CPAMD8: variants seen among roughly 807,000 people sequenced by gnomAD.
CPAMD8 encodes the protein C3 and PZP like alpha-2-macroglobulin domain containing 8.
A neutral mutation model predicts 224.7 loss-of-function variants in CPAMD8; 146 were observed. The ratio of observed to expected loss-of-function variants is 0.65; its 90% CI spans 0.57 to 0.75. The LOEUF is 0.75. Among genes scored for constraint, CPAMD8 ranks in the 30% least tolerant of loss-of-function variants. The probability of loss-of-function intolerance (pLI) is 0.00; values close to 1 mark genes in which losing one functional copy is unlikely to be tolerated. For missense variants in CPAMD8, 2,301 were observed against 2,537.5 expected (o/e 0.91, Z 2.00); for synonymous variants, 966 against 1,044.6 (o/e 0.92, Z 1.45).
At chr19:16,990,468 G>A (rs548701984) in intron 12 of CPAMD8, among the ~76,000 whole-genome samples, 1 of 152,040 alleles carries the variant, frequency 6.6e-6, no homozygotes, top group Admixed American at 6.6e-5. Flanking sequence ...TGAAGCAGGA[G>A]GATCACTTGA....
At chr19:16,900,211 C>G (rs1387896250) in intron 36 of CPAMD8, among the ~76,000 whole-genome samples, 1 of 152,076 alleles carries the variant, frequency 6.6e-6, no homozygotes. Context: ...GACAGCTGGT[C>G]TCGGCAGAAT....
intron 27 of CPAMD8, 36 bp from the exon 28 acceptor site, chr19:16,914,849 G>T: frequency 6.6e-7 from 1 of 1,509,506 alleles, no homozygotes; most frequent in South Asian, 1.2e-5. Context: ...AGGGGTTGCA[G>T]AATGGTCAGC....
At chr19:17,020,641 T>C (rs2056930050) in intron 2 of CPAMD8, among the ~76,000 whole-genome samples, 1 of 152,032 alleles carries the variant, frequency 6.6e-6, no homozygotes, top group African/African-American at 2.4e-5. Flanking sequence ...CTGGCTCCTG[T>C]CCAAACTAAG....
intron 13 of CPAMD8, among the ~76,000 whole-genome samples, chr19:16,982,733 G>C (rs139994781): frequency 5.3e-5 from 8 of 152,204 alleles, no homozygotes; most frequent in East Asian, 1.9e-4. Flanking sequence ...AGCTATCTAG[G>C]GGGGCTGAGG....
Position 17,004,344 on chromosome 19 carries a change from A to C in CPAMD8, c.602T>G (p.Leu201Trp), listed in dbSNP as rs749145082. Residue 201 changes from leucine to tryptophan, a missense_variant, in exon 8 of 42, where the codon TTG becomes TGG. Around this residue, in one of 4 missense-constraint regions of CPAMD8, gnomAD observed 283 missense variants for 340.6 expected, o/e 0.83. Coordinates refer to ENST00000443236, the MANE Select transcript of CPAMD8 (RefSeq NM_015692.5). ...TTCAACAAAAATGAACCATTCTCCC[A>C]ACACAGGCTGGTCGGACAAGGGGAA... ...MSFPLSDQPV[L>W]GEWFIFVEMQ... 6.2e-7 allele frequency: 1 copy of C among 1,613,652 alleles called. No homozygotes were observed. Among genetic ancestry groups the C allele is most frequent in the Non-Finnish European group, 8.5e-7 (1 of 1,179,638 alleles).
intron 1 of CPAMD8, 146 bp downstream of exon 1, chr19:17,026,405 C>G (rs949124575): frequency 8.5e-6 from 8 of 943,448 alleles, no homozygotes; most frequent in Non-Finnish European, 1.2e-5. Flanking sequence ...GCCCCCTCCT[C>G]AAGACGATTC....
chr19:16,920,037 C>T (rs1023973711), intron 27 of CPAMD8, among the ~76,000 whole-genome samples: 9 of 152,184 alleles, frequency 5.9e-5, no homozygotes, highest in African/African-American at 1.7e-4. Context: ...TGTCCAGCTT[C>T]GGGGTGGGTG....
intron 30 of CPAMD8, among the ~76,000 whole-genome samples, chr19:16,906,394 C>CTTTCTTTCTTTCT (rs1568459736): frequency 1.2e-5 from 1 of 85,074 alleles, no homozygotes; most frequent in Admixed American, 1.3e-4. Context: ...TTCTTTCTTT[C>CTTTCTTTCTTTCT]TTTCTTTCTT....
rs1201447808 is a variant in CPAMD8, at chr19:16,914,446, A to G, written c.3839T>C (p.Leu1280Pro). ...PLTAYVVVAL[L>P]ETGTASEEER... Reference sequence around the variant, plus strand: ...CACCTCTGAGGCTGTGCCTGTTTCCAGGAGAGCAACCACCACGTAGGCTGT... The same window carrying G: ...CACCTCTGAGGCTGTGCCTGTTTCCGGGAGAGCAACCACCACGTAGGCTGT... Residue 1280 changes from leucine to proline, a missense_variant, in exon 29 of 42, where the codon CTG becomes CCG. This residue lies in a region of CPAMD8 where 1,709 missense variants were observed against 1,753.2 expected (regional missense o/e 0.97). Coordinates refer to ENST00000443236, the MANE Select transcript of CPAMD8 (RefSeq NM_015692.5). The G allele has an allele frequency of 6.2e-7, 1 of 1,614,164 alleles. No individual in the cohort carries two copies. Among genetic ancestry groups the G allele is most frequent in the Non-Finnish European group, 8.5e-7 (1 of 1,180,004 alleles).
In CPAMD8 at chr19:16,928,825, T is replaced by C. The variant is rs57705822; in HGVS notation, c.3144+117A>G. On this transcript the variant is annotated intron_variant, in intron 24 of 41. Transcript: ENST00000443236. Reference sequence around the variant, plus strand: ...GACTAAGAACAACTTGAGGTGGTGCTCCATGTTTCCCTTGCTCCTCCTGAC... The same window carrying C: ...GACTAAGAACAACTTGAGGTGGTGCCCCATGTTTCCCTTGCTCCTCCTGAC... The C allele has an allele frequency of 0.015, 10,932 of 749,254 alleles. 900 individuals are homozygous for C. In the African/African-American group the frequency reaches 0.17, roughly 12 times the overall value. The allele number at this position is 749,254 out of a possible 1,614,324, so 46.4% of individuals were successfully genotyped here.
chr19:16,941,454 T>C (rs111374948), intron 22 of CPAMD8, among the ~76,000 whole-genome samples: 15 of 152,326 alleles, frequency 9.8e-5, no homozygotes, highest in Admixed American at 5.2e-4. Flanking sequence ...TATGATTCCA[T>C]TGATACAAAA....
rs1005576810 is a variant in CPAMD8 at position 16,904,555 on chromosome 19, G to A, written c.4028-3C>T. 30 of 1,607,224 alleles carry A rather than the reference G, an allele frequency of 1.9e-5. No individual in the cohort carries two copies. The highest frequency in any genetic ancestry group is 2.5e-5 in the Non-Finnish European group (29 of 1,173,838). ...CAGGCTCCAGTGGGTGACCCCATCT[G>A]CAAGGAAAGGAGTGGTCAAGAGCTA... is the stretch of plus-strand genomic sequence containing the variant. On this transcript the variant is annotated splice_polypyrimidine_tract_variant and splice_region_variant and intron_variant, in intron 30 of 41. Transcript: ENST00000443236.
chr19:16,902,563 G>A, intron 35 of CPAMD8, 86 bp downstream of exon 35: 1 of 778,330 alleles, frequency 1.3e-6, no homozygotes, highest in Non-Finnish European at 2.1e-6. Context: ...CCTGGAGCCG[G>A]AAGCTCCTCC....
chr19:16,894,238 C>A (rs1248246006), intron 41 of CPAMD8: 6 of 370,752 alleles, frequency 1.6e-5, no homozygotes, highest in Non-Finnish European at 5.6e-6. Flanking sequence ...TGAGCCCACA[C>A]CTGGGTCCCA....
At chr19:17,019,202 C>G (rs966540184) in intron 3 of CPAMD8, among the ~76,000 whole-genome samples, 2 of 152,092 alleles carry the variant, frequency 1.3e-5, no homozygotes, top group South Asian at 4.1e-4. Flanking sequence ...TGGCTCACTG[C>G]AACCTCCGTC....
rs1249900616 is a variant in CPAMD8 at position 16,920,320 on chromosome 19, A to G, written c.3629+1585T>C. Reference sequence around the variant, plus strand: ...CGGTGAAACCCCGTCTCTATTAAAAATACAAAAAAAGTAGCCAGGCGTGGT... The same window carrying G: ...CGGTGAAACCCCGTCTCTATTAAAAGTACAAAAAAAGTAGCCAGGCGTGGT... On this transcript the variant is annotated intron_variant, in intron 27 of 41. Coordinates refer to ENST00000443236, the MANE Select transcript of CPAMD8 (RefSeq NM_015692.5). 2.0e-5 allele frequency among the ~76,000 whole-genome samples: 3 copies of G among 152,004 alleles called. No homozygotes were observed. In the East Asian group the frequency reaches 5.8e-4, roughly 30 times the overall value.
At position 17,008,521 on chromosome 19, in the gene CPAMD8, T is replaced by A; in HGVS notation, c.543A>T (p.Leu181Phe). Residue 181 changes from leucine (L) to phenylalanine (F), a missense_variant, in exon 7 of 42, where the codon TTA (leucine) becomes TTT (phenylalanine). Physicochemically the swap from Leu to Phe is conservative, Grantham distance 22 (BLOSUM62 0). Transcript: ENST00000443236. Reference sequence around the variant, plus strand: ...GAAACTTACCGCAGCAGAACGGCTTTAAGTGTCTCCACTCTATCATCCGAG... The same window carrying A: ...GAAACTTACCGCAGCAGAACGGCTTAAAGTGTCTCCACTCTATCATCCGAG... ...RGSRMIEWRHLKPFCCGITNM... is the reference protein window; with the variant it reads ...RGSRMIEWRHFKPFCCGITNM... 1 of 1,613,384 alleles carries A rather than the reference T, an allele frequency of 6.2e-7. No individual in the cohort carries two copies. The highest frequency in any genetic ancestry group is 8.5e-7 in the Non-Finnish European group (1 of 1,180,018).
intron 13 of CPAMD8, among the ~76,000 whole-genome samples, chr19:16,983,764 T>G (rs2055602923): frequency 6.6e-6 from 1 of 152,180 alleles, no homozygotes; most frequent in Non-Finnish European, 1.5e-5. Context: ...CCAGTGTTGA[T>G]TCTTAGTTAT....
intron 41 of CPAMD8, chr19:16,895,005 C>G (rs2051904886): frequency 6.3e-6 from 1 of 159,598 alleles, no homozygotes; most frequent in Non-Finnish European, 1.4e-5. Flanking sequence ...CCCAGCTACT[C>G]AGGAGGCTGA....
Sources: allele counts gnomAD v4.1 joint callset (sites outside exome capture counted in the v4.1 genomes callset), GRCh38; gene constraint gnomAD v4.1.1; regional missense constraint gnomAD v4.1.1; transcripts MANE v1.5; gene names NCBI Gene and HGNC (gene_info 2026-07-23, HGNC 2026-07-21).